HDHD2: variants seen among roughly 807,000 people sequenced by gnomAD.
HDHD2 encodes the protein haloacid dehalogenase like hydrolase domain containing 2.
In HDHD2, 26 loss-of-function variants were observed where a neutral mutation model predicts 24.8. The observed-to-expected ratio is 1.05, with a 90% CI of 0.77 to 1.45. The LOEUF (loss-of-function observed/expected upper bound fraction) is 1.45. Ranked by LOEUF, HDHD2 falls within the 40% of genes most tolerant of loss-of-function variation. The pLI, the probability that HDHD2 is intolerant of heterozygous loss-of-function variation, is 0.00. For missense variants in HDHD2, 299 were observed against 313.4 expected, an observed-to-expected ratio of 0.95 and a Z score of 0.35; for synonymous variants, 128 against 114.9, an observed-to-expected ratio of 1.11 and a Z score of -0.73.
At chr18:47,128,914 T>C (rs1345502152) in intron 4 of HDHD2, among the ~76,000 whole-genome samples, 1 of 152,174 alleles carries the variant, frequency 6.6e-6, no homozygotes, top group Non-Finnish European at 1.5e-5. Context: ...ATTTCTGTAG[T>C]ATATACATGA....
chr18:47,143,670 T>A (rs1037979406), intron 1 of HDHD2, among the ~76,000 whole-genome samples: 7 of 152,210 alleles, frequency 4.6e-5, no homozygotes, highest in Non-Finnish European at 8.8e-5. Context: ...TACATGAAAA[T>A]CAGCCTCATT....
intron 4 of HDHD2, among the ~76,000 whole-genome samples, chr18:47,120,953 C>A (rs956603233): frequency 2.6e-5 from 4 of 152,108 alleles, no homozygotes; most frequent in African/African-American, 9.7e-5. Flanking sequence ...CACCAAAGAT[C>A]ACTGATCACC....
intron 3 of HDHD2, among the ~76,000 whole-genome samples, chr18:47,134,149 T>C (rs1349904718): frequency 6.6e-6 from 1 of 152,240 alleles, no homozygotes; most frequent in East Asian, 1.9e-4. Context: ...GATCTATTAT[T>C]AGACTGTAAA....
Position 47,124,472 on chromosome 18 carries a change from C to T in HDHD2, c.395+5772G>A, listed in dbSNP as rs554742129. Among the ~76,000 whole-genome samples, 175 of 150,940 alleles carry T rather than the reference C, an allele frequency of 1.2e-3. 1 individual carries two copies. Among genetic ancestry groups the T allele is most frequent in the African/African-American group, 4.0e-3 (164 of 41,184 alleles). On this transcript the variant is annotated intron_variant, in intron 4 of 6. Coordinates refer to ENST00000300605, the MANE Select transcript of HDHD2 (RefSeq NM_032124.5). ...CTGTAATCCCAGCACTTTGGGAGGCCGAGGCGGGTGGCTCACCTGAGGTCG... is the reference window on the plus strand; with the variant it reads ...CTGTAATCCCAGCACTTTGGGAGGCTGAGGCGGGTGGCTCACCTGAGGTCG...
chr18:47,115,362 C>CA lies in HDHD2; in HGVS notation c.396-15dup. The CA allele has an allele frequency of 1.3e-6, 2 of 1,591,464 alleles. No homozygotes were observed. Among genetic ancestry groups the CA allele is most frequent in the Admixed American group, 1.8e-5 (1 of 56,490 alleles). On this transcript the variant is annotated splice_polypyrimidine_tract_variant and intron_variant, in intron 4 of 6. Transcript: ENST00000300605. ...TCCAGGAGTAACCTAGAGAGAACAA[C>CA]AACAAAAAAAACAAATTGGCTAAAA...
chr18:47,114,754 G>T (rs1317053262), intron 5 of HDHD2, among the ~76,000 whole-genome samples: 1 of 151,920 alleles, frequency 6.6e-6, no homozygotes, highest in Non-Finnish European at 1.5e-5. Flanking sequence ...TTTGGTGTAG[G>T]TTCTCATTTG....
rs1365569364 is a variant in HDHD2 at position 47,115,168 on chromosome 18, AGTGCCCC to A, written c.569_575del (p.Arg190LeufsTer10). Reference sequence around the variant, plus strand: ...TGACAGCCTCCTCAGGTTCACAGCCAGTGCCCCGCAATGCTTCCAAAAAGAACGTCTT... The same window carrying A: ...TGACAGCCTCCTCAGGTTCACAGCCAGCAATGCTTCCAAAAAGAACGTCTT... On this transcript the variant is annotated frameshift_variant, in exon 5 of 7. Transcript: ENST00000300605. LOFTEE classifies it high-confidence loss of function. The A allele has an allele frequency of 6.2e-7, 1 of 1,613,820 alleles. No homozygotes were observed.
At chr18:47,145,665 A>C (rs1334593192) in intron 1 of HDHD2, among the ~76,000 whole-genome samples, 1 of 152,222 alleles carries the variant, frequency 6.6e-6, no homozygotes, top group African/African-American at 2.4e-5. Context: ...GGCAAAACTA[A>C]AACTTTTAGA....
Position 47,115,297 on chromosome 18 carries a change from G to C in HDHD2, c.447C>G (p.Tyr149Ter), listed in dbSNP as rs1260433556. The C allele has an allele frequency of 1.9e-6, 3 of 1,613,848 alleles. No homozygotes were observed. The highest frequency in any genetic ancestry group is 2.2e-5 in the South Asian group (2 of 91,078). ...PLIAIHKARY[Y>*]KRKDGLALGP... is the part of the protein sequence containing the mutation. Reference sequence around the variant, plus strand: ...CCAGGGCTAAGCCATCTTTCCTCTTGTAATACCTGGCTTTGTGGATTGCTA... The same window carrying C: ...CCAGGGCTAAGCCATCTTTCCTCTTCTAATACCTGGCTTTGTGGATTGCTA... The change falls in exon 5 of 7, where the codon TAC becomes TAG. Residue 149 changes from tyrosine (Y) to a stop codon, truncating the protein, a stop_gained. Coordinates refer to ENST00000300605, the MANE Select transcript of HDHD2 (RefSeq NM_032124.5). LOFTEE classifies it high-confidence loss of function.
At chr18:47,110,576 G>A (rs1000513459) in intron 6 of HDHD2, 2 of 985,402 alleles carry the variant, frequency 2.0e-6, no homozygotes, top group Non-Finnish European at 2.4e-6. Context: ...TGCAAGTGGG[G>A]TTTCTACAAA....
At chr18:47,140,137 C>T (rs2063806549) in intron 1 of HDHD2, among the ~76,000 whole-genome samples, 1 of 152,178 alleles carries the variant, frequency 6.6e-6, no homozygotes, top group Non-Finnish European at 1.5e-5. Flanking sequence ...CATTCTTTCA[C>T]AATTTTCGTG....
chr18:47,133,286 G>C (rs367698343), intron 3 of HDHD2, among the ~76,000 whole-genome samples: 24 of 151,968 alleles, frequency 1.6e-4, no homozygotes, highest in East Asian at 9.7e-4. Context: ...GAGAATGGTG[G>C]TTTCCAGCTT....
At chr18:47,136,262 C>A in intron 2 of HDHD2, 77 bp downstream of exon 2, 1 of 1,574,442 alleles carries the variant, frequency 6.4e-7, no homozygotes, top group Non-Finnish European at 8.6e-7. Context: ...TTAAGGCCAT[C>A]CATTTAGCTA....
chr18:47,139,678 A>G (rs1568060348), intron 1 of HDHD2, among the ~76,000 whole-genome samples: 2 of 152,094 alleles, frequency 1.3e-5, no homozygotes, highest in Non-Finnish European at 2.9e-5. Context: ...TTGGAGACTA[A>G]GCCCTCAACC....
chr18:47,145,774 A>G (rs1261740350), intron 1 of HDHD2, among the ~76,000 whole-genome samples: 1 of 152,240 alleles, frequency 6.6e-6, no homozygotes, highest in Non-Finnish European at 1.5e-5. Flanking sequence ...ATTCAACTAT[A>G]TTTCAAAAGC....
chr18:47,120,288 C>A (rs776036249), intron 4 of HDHD2, among the ~76,000 whole-genome samples: 2 of 152,222 alleles, frequency 1.3e-5, no homozygotes, highest in Non-Finnish European at 1.5e-5. Flanking sequence ...TTAGCTAGAT[C>A]TCTGGATAAC....
chr18:47,119,302 A>G (rs1341223524), intron 4 of HDHD2, among the ~76,000 whole-genome samples: 1 of 152,206 alleles, frequency 6.6e-6, no homozygotes, highest in African/African-American at 2.4e-5. Context: ...AGTATTCACA[A>G]CAGAAACTCT....
At chr18:47,140,587 C>T (rs2063810952) in intron 1 of HDHD2, among the ~76,000 whole-genome samples, 1 of 152,090 alleles carries the variant, frequency 6.6e-6, no homozygotes, top group Non-Finnish European at 1.5e-5. Flanking sequence ...TGCATGATCA[C>T]AGCTCACTGC....
intron 4 of HDHD2, among the ~76,000 whole-genome samples, chr18:47,118,563 A>G (rs1435827311): frequency 1.3e-5 from 2 of 152,192 alleles, no homozygotes; most frequent in African/African-American, 2.4e-5. Context: ...GGAGAACAAC[A>G]CAGACTCCGG....
Sources: allele counts gnomAD v4.1 joint callset (sites outside exome capture counted in the v4.1 genomes callset), GRCh38; gene constraint gnomAD v4.1.1; transcripts MANE v1.5; gene names NCBI Gene and HGNC (gene_info 2026-07-23, HGNC 2026-07-21).